The following KDM4C variants were observed in gnomAD, a reference collection of about 807,000 sequenced individuals.
KDM4C encodes the protein lysine-specific demethylase 4C.
In KDM4C, 81 loss-of-function variants were observed where a neutral mutation model predicts 129.3. That is an observed-to-expected ratio of 0.63 (90% CI 0.52 to 0.75). The LOEUF is 0.75. Ranked by LOEUF, KDM4C falls within the 30% of genes least tolerant of loss-of-function variation. The pLI is 0.00. For synonymous variants in KDM4C, 573 were observed against 456.1 expected (o/e 1.26, Z -3.26); for missense variants, 1,457 against 1,304.0 (o/e 1.12, Z -1.81).
At chr9:7,020,400 C>G (rs1824579016) in intron 15 of KDM4C, among the ~76,000 whole-genome samples, 1 of 152,224 alleles carries the variant, frequency 6.6e-6, no homozygotes, top group East Asian at 1.9e-4. Flanking sequence ...GCACAACTAT[C>G]TGACAGCTAT....
chr9:7,143,280 C>CT (rs34301651), intron 19 of KDM4C, among the ~76,000 whole-genome samples: 99 of 152,290 alleles, frequency 6.5e-4, no homozygotes, highest in African/African-American at 2.3e-3. Flanking sequence ...AACCTTGTTA[C>CT]TTTTTTAGTA....
At chr9:7,104,489 T>C (rs543353787) in intron 18 of KDM4C, 1 of 152,136 alleles carries the variant, frequency 6.6e-6, no homozygotes, top group Non-Finnish European at 1.5e-5. Context: ...AGAGAACAAT[T>C]TTTTTGAGCT....
intron 5 of KDM4C, among the ~76,000 whole-genome samples, chr9:6,879,209 GATT>G (rs1217277267): frequency 6.6e-6 from 1 of 152,084 alleles, no homozygotes; most frequent in East Asian, 1.9e-4. Context: ...AACATGGAAT[GATT>G]ATTCAAATTT....
chr9:6,846,896 G>A (rs1837943137), intron 4 of KDM4C, among the ~76,000 whole-genome samples: 1 of 152,046 alleles, frequency 6.6e-6, no homozygotes, highest in Admixed American at 6.6e-5. Flanking sequence ...CTCTAGGAGG[G>A]TACAAGAACC....
intron 8 of KDM4C, among the ~76,000 whole-genome samples, chr9:6,934,757 C>G (rs745969714): frequency 6.6e-6 from 1 of 151,962 alleles, no homozygotes; most frequent in Non-Finnish European, 1.5e-5. Flanking sequence ...CCACTGCGCC[C>G]GGCCCACTCT....
chr9:6,805,052 C>T (rs558666916), intron 2 of KDM4C, among the ~76,000 whole-genome samples: 1 of 152,162 alleles, frequency 6.6e-6, no homozygotes, highest in East Asian at 1.9e-4. Flanking sequence ...AGGTGCGTGC[C>T]ACCACGCCCG....
At chr9:6,930,665 G>C (rs1243396874) in intron 8 of KDM4C, among the ~76,000 whole-genome samples, 1 of 70,936 alleles carries the variant, frequency 1.4e-5, no homozygotes, top group African/African-American at 6.3e-5. Context: ...ACATATAATA[G>C]TACAATTAAT....
At chr9:7,006,736 G>T (rs1821742506) in intron 12 of KDM4C, among the ~76,000 whole-genome samples, 1 of 152,082 alleles carries the variant, frequency 6.6e-6, no homozygotes, top group Non-Finnish European at 1.5e-5. Flanking sequence ...GGCCCTGCTT[G>T]CATAGCTATT....
chr9:7,156,617 C>A (rs1460224968), intron 19 of KDM4C, among the ~76,000 whole-genome samples: 1 of 152,184 alleles, frequency 6.6e-6, no homozygotes, highest in Non-Finnish European at 1.5e-5. Context: ...GGAATCCTTT[C>A]CCCATTTCTT....
chr9:7,055,532 T>C (rs1830755590), intron 17 of KDM4C, among the ~76,000 whole-genome samples: 1 of 152,248 alleles, frequency 6.6e-6, no homozygotes, highest in African/African-American at 2.4e-5. Flanking sequence ...CTTAGAAGCC[T>C]CTGTACACTT....
intron 17 of KDM4C, among the ~76,000 whole-genome samples, chr9:7,059,867 A>G (rs1408725277): frequency 1.3e-5 from 2 of 152,144 alleles, no homozygotes; most frequent in East Asian, 3.8e-4. Context: ...ATGAATTCAT[A>G]AATATATATT....
intron 8 of KDM4C, among the ~76,000 whole-genome samples, chr9:6,895,147 T>C (rs1402241285): frequency 3.9e-5 from 6 of 152,220 alleles, no homozygotes; most frequent in Admixed American, 3.9e-4. Context: ...ATATTAGTTG[T>C]CTCTTGCTGC....
chr9:6,896,702 G>A (rs1816512820), intron 8 of KDM4C, among the ~76,000 whole-genome samples: 1 of 152,174 alleles, frequency 6.6e-6, no homozygotes, highest in Non-Finnish European at 1.5e-5. Flanking sequence ...GTAGAAGGGG[G>A]AGAAGTTCTA....
At chr9:6,910,030 T>G (rs1818995720) in intron 8 of KDM4C, among the ~76,000 whole-genome samples, 1 of 152,172 alleles carries the variant, frequency 6.6e-6, no homozygotes. Context: ...TAATAGCAAG[T>G]TCGTGAGAAG....
At chr9:6,996,266 C>G (rs1373189135) in intron 12 of KDM4C, among the ~76,000 whole-genome samples, 1 of 152,190 alleles carries the variant, frequency 6.6e-6, no homozygotes, top group African/African-American at 2.4e-5. Context: ...TCCAGAACTT[C>G]CCTTGAAGTG....
chr9:6,786,682 G>A (rs1249234633), intron 1 of KDM4C, among the ~76,000 whole-genome samples: 1 of 152,152 alleles, frequency 6.6e-6, no homozygotes, highest in African/African-American at 2.4e-5. Context: ...AGAGAAACAA[G>A]AGGGACTGGG....
intron 2 of KDM4C, among the ~76,000 whole-genome samples, chr9:6,795,294 C>T (rs934346017): frequency 6.6e-6 from 1 of 152,100 alleles, no homozygotes; most frequent in Admixed American, 6.6e-5. Flanking sequence ...TATCTGTACC[C>T]TGAGGCCTGT....
chr9:6,754,758 C>A (rs1251633521), upstream of KDM4C, among the ~76,000 whole-genome samples: 1 of 151,596 alleles, frequency 6.6e-6, no homozygotes, highest in African/African-American at 2.4e-5. Context: ...CGCTTGTAGT[C>A]CCAGCTACAT....
Position 6,864,638 on chromosome 9 carries a change from T to G in KDM4C, c.629+14938T>G, listed in dbSNP as rs191441245. Among the ~76,000 whole-genome samples the G allele has an allele frequency of 4.2e-3, 641 of 152,008 alleles. 1 individual carries two copies. The highest frequency in any genetic ancestry group is 0.015 in the African/African-American group (615 of 41,544). ...CATGTGCCAACATGCCCAGCTAATT[T>G]TTTTTTTTAAATTTATTTTATTTAT... On this transcript the variant is annotated intron_variant, in intron 5 of 21. Coordinates refer to ENST00000381309, the MANE Select transcript of KDM4C (RefSeq NM_015061.6).
Sources: allele counts gnomAD v4.1 joint callset (sites outside exome capture counted in the v4.1 genomes callset), GRCh38; gene constraint gnomAD v4.1.1; transcripts MANE v1.5; gene names NCBI Gene and HGNC (gene_info 2026-07-23, HGNC 2026-07-21).